The following SPINT2 variants were observed in gnomAD, a reference collection of about 807,000 sequenced individuals.
The protein encoded by SPINT2 is serine peptidase inhibitor, Kunitz type 2.
Under a neutral mutation model 30.1 loss-of-function variants are expected in SPINT2, and 18 were observed. That is an observed-to-expected ratio of 0.60 (90% CI 0.41 to 0.89). The LOEUF (loss-of-function observed/expected upper bound fraction) is 0.89. SPINT2 is among the 40% of genes least tolerant of loss of function. The pLI is 0.00. For synonymous variants in SPINT2, 139 were observed against 137.9 expected (o/e 1.01, Z -0.05); for missense variants, 276 against 334.3 (o/e 0.83, Z 1.36).
At chr19:38,287,816 T>C (rs1391449049) in intron 2 of SPINT2, 60 bp from the exon 3 acceptor site, 4 of 1,582,760 alleles carry the variant, frequency 2.5e-6, no homozygotes, top group Non-Finnish European at 3.5e-6. Flanking sequence ...CAGCTCATTC[T>C]TTGTCCCTGG....
At chr19:38,277,137 T>C (rs1968529766) in intron 1 of SPINT2, among the ~76,000 whole-genome samples, 1 of 152,242 alleles carries the variant, frequency 6.6e-6, no homozygotes, top group Non-Finnish European at 1.5e-5. Context: ...GTATTTTCTG[T>C]ACTCATCAGC....
At chr19:38,265,019 C>T (rs1363235544) in intron 1 of SPINT2, 21 bp downstream of exon 1, 4 of 1,426,586 alleles carry the variant, frequency 2.8e-6, no homozygotes, top group Non-Finnish European at 3.7e-6. Context: ...GGCGGGTAGG[C>T]TGGAGGCGGG....
chr19:38,265,090 G>C, intron 1 of SPINT2, 92 bp downstream of exon 1: 6 of 1,030,094 alleles, frequency 5.8e-6, no homozygotes, highest in Non-Finnish European at 8.3e-6. Context: ...TGGCGGGGGA[G>C]GAAACTGGGG....
chr19:38,272,060 C>G (rs542638431), intron 1 of SPINT2, among the ~76,000 whole-genome samples: 21 of 151,866 alleles, frequency 1.4e-4, no homozygotes, highest in Admixed American at 1.3e-3. Flanking sequence ...ACAAAAAATA[C>G]AAAAAACTAG....
chr19:38,276,832 G>A lies in SPINT2; in HGVS notation c.107-6795G>A, dbSNP rs144016884. The stretch of plus-strand genomic sequence containing the variant: ...ATTTATTTTTGGAGAACAAAGTCTC[G>A]CTTTGTTGCCCAGGCTGGAGTGCAG... On this transcript the variant is annotated intron_variant, in intron 1 of 6. Transcript: ENST00000301244. 5.5e-3 allele frequency among the ~76,000 whole-genome samples: 832 copies of A among 151,904 alleles called. 8 individuals carry two copies. The highest frequency in any genetic ancestry group is 0.019 in the African/African-American group (808 of 41,438).
chr19:38,274,770 G>C (rs532111804), intron 1 of SPINT2, among the ~76,000 whole-genome samples: 25 of 150,618 alleles, frequency 1.7e-4, no homozygotes, highest in Non-Finnish European at 2.1e-4. Flanking sequence ...AGCCTAGATC[G>C]CACTATTGCA....
At position 38,290,805 on chromosome 19, in the gene SPINT2, G is replaced by A. The variant is rs1340269019; in HGVS notation, c.592+230G>A. 1 of 635,452 alleles carries A rather than the reference G, an allele frequency of 1.6e-6. No individual in the cohort carries two copies. Among genetic ancestry groups the A allele is most frequent in the East Asian group, 2.8e-5 (1 of 35,288 alleles). The allele number at this position is 635,452 out of a possible 1,614,324, so 39.4% of individuals were successfully genotyped here. On this transcript the variant is annotated intron_variant, in intron 6 of 6. Coordinates refer to ENST00000301244, the MANE Select transcript of SPINT2 (RefSeq NM_021102.4). The surrounding 1 kb of genome is among the most constrained non-coding windows in gnomAD (Gnocchi z 4.3). ...AAGGCAGGCCCTGCCCAGGCGGCGT[G>A]GGTGACTGGGGATGAGGTCTTCCTG...
At chr19:38,291,146 C>CA (rs1968713458) in intron 6 of SPINT2, 1 of 172,708 alleles carries the variant, frequency 5.8e-6, no homozygotes, top group African/African-American at 2.4e-5. Context: ...CCTGGTTTGC[C>CA]AGGCACGGGG....
intron 1 of SPINT2, among the ~76,000 whole-genome samples, chr19:38,272,000 G>C (rs150288505): frequency 3.3e-5 from 5 of 152,224 alleles, no homozygotes; most frequent in African/African-American, 1.2e-4. Context: ...CAGCACTTTG[G>C]GGGGCTGAGG....
chr19:38,270,641 G>A (rs908905407), intron 1 of SPINT2, among the ~76,000 whole-genome samples: 1 of 152,194 alleles, frequency 6.6e-6, no homozygotes, highest in African/African-American at 2.4e-5. Context: ...GCGGGAGACT[G>A]GCCCCTTTCC....
intron 1 of SPINT2, among the ~76,000 whole-genome samples, chr19:38,276,824 A>G (rs1198483554): frequency 1.3e-5 from 2 of 151,914 alleles, no homozygotes; most frequent in Admixed American, 1.3e-4. Context: ...TTTGGAGAAC[A>G]AAGTCTCGCT....
chr19:38,273,251 C>G (rs1412714642), intron 1 of SPINT2, among the ~76,000 whole-genome samples: 2 of 151,982 alleles, frequency 1.3e-5, no homozygotes, highest in Non-Finnish European at 2.9e-5. Context: ...GCTTTCTGTA[C>G]TGGAAACAGA....
chr19:38,282,838 G>A (rs1968594709), intron 1 of SPINT2, among the ~76,000 whole-genome samples: 1 of 152,166 alleles, frequency 6.6e-6, no homozygotes, highest in African/African-American at 2.4e-5. Flanking sequence ...GGCAGAGAGT[G>A]GACAGGAAAG....
intron 1 of SPINT2, among the ~76,000 whole-genome samples, chr19:38,280,736 G>A (rs1318567064): frequency 6.6e-6 from 1 of 152,154 alleles, no homozygotes; most frequent in African/African-American, 2.4e-5. Context: ...GGGTCACCCT[G>A]CTTCATTCTC....
At chr19:38,283,511 G>A in intron 1 of SPINT2, 116 bp from the exon 2 acceptor site, 1 of 1,310,666 alleles carries the variant, frequency 7.6e-7, no homozygotes. Context: ...GCTCACAGGG[G>A]AACTGCTGGA....
chr19:38,291,947 A>G lies in SPINT2; in HGVS notation c.700A>G (p.Thr234Ala). 6.2e-7 allele frequency: 1 copy of G among 1,614,106 alleles called. No individual in the cohort carries two copies. The highest frequency in any genetic ancestry group is 1.1e-5 in the South Asian group (1 of 91,070). ...GAGGAACCAGGAGCGTGCCCTGCGC[A>G]CCGTCTGGAGCTCCGGAGATGACAA... ...ARRNQERALR[T>A]VWSSGDDKEQ... Residue 234 changes from threonine to alanine, a missense_variant, in exon 7 of 7, where the codon ACC (threonine) becomes GCC (alanine). Thr to Ala is a moderately conservative substitution (Grantham distance 58, BLOSUM62 0). Transcript: ENST00000301244.
chr19:38,288,592 C>T (rs1278968779), intron 3 of SPINT2: 8 of 199,564 alleles, frequency 4.0e-5, no homozygotes, highest in Non-Finnish European at 8.4e-5. Flanking sequence ...GGTACTGCAC[C>T]GCACCCCTGC....
chr19:38,275,067 C>T (rs113370921), intron 1 of SPINT2, among the ~76,000 whole-genome samples: 38 of 152,274 alleles, frequency 2.5e-4, no homozygotes, highest in African/African-American at 7.9e-4. Context: ...ACGTTGAAAG[C>T]TGATCCAGAT....
chr19:38,265,120 C>G (rs1600328103), intron 1 of SPINT2, 122 bp downstream of exon 1: 2 of 850,494 alleles, frequency 2.4e-6, no homozygotes, highest in Non-Finnish European at 3.6e-6. Flanking sequence ...TGGCGTTCAG[C>G]GGGTGTGGTG....
Sources: gnomAD v4.1 joint callset for allele counts (sites outside exome capture counted in the v4.1 genomes callset) on GRCh38, gnomAD v4.1.1 for gene constraint, Gnocchi (gnomAD v3.1) non-coding constraint, MANE v1.5 for transcripts, NCBI Gene and HGNC (gene_info 2026-07-23, HGNC 2026-07-21) for gene names.